LGALS3BP: variants seen among roughly 807,000 people sequenced by gnomAD.
LGALS3BP encodes galectin 3 binding protein.
A neutral mutation model predicts 22.9 loss-of-function variants in LGALS3BP; 25 were observed. That is an observed-to-expected ratio of 1.09 (90% CI 0.80 to 1.53). The LOEUF (loss-of-function observed/expected upper bound fraction) is 1.53, where lower values mean the gene tolerates loss of function less well. LGALS3BP is among the 40% of genes most tolerant of loss of function. The pLI, the probability that LGALS3BP is intolerant of heterozygous loss-of-function variation, is 0.00. For missense variants in LGALS3BP, 718 were observed against 752.0 expected (o/e 0.95, Z 0.53); for synonymous variants, 335 against 331.1 (o/e 1.01, Z -0.13).
rs987721012 is a variant in LGALS3BP, at chr17:78,977,000, G to A, written c.52+140C>T. ...GTCATCATCACTGGGGATACCTGGT[G>A]CTTCAAGCAGGAGAGAAGATCTGGC... On this transcript the variant is annotated intron_variant, in intron 2 of 5. Coordinates refer to ENST00000262776, the MANE Select transcript of LGALS3BP (RefSeq NM_005567.4). The surrounding 1 kb of genome is among the most constrained non-coding windows in gnomAD (Gnocchi z 4.6). 2 of 830,546 alleles carry A rather than the reference G, an allele frequency of 2.4e-6. No individual in the cohort carries two copies. The highest frequency in any genetic ancestry group is 2.1e-5 in the Admixed American group (1 of 48,690). The allele number at this position is 830,546 out of a possible 1,614,324, so 51.4% of individuals were successfully genotyped here. A position where few individuals can be genotyped will look rare whatever the true frequency, so the allele number is the denominator to read the frequency against.
chr17:78,974,982 G>A (rs2070707798), intron 3 of LGALS3BP, 163 bp from the exon 4 acceptor site: 2 of 887,546 alleles, frequency 2.3e-6, no homozygotes, highest in Non-Finnish European at 3.3e-6. Flanking sequence ...GGCTGGATTT[G>A]TGATTGCAAT....
At chr17:78,978,030 A>G (rs1190464919) in intron 1 of LGALS3BP, among the ~76,000 whole-genome samples, 1 of 152,066 alleles carries the variant, frequency 6.6e-6, no homozygotes, top group African/African-American at 2.4e-5. Flanking sequence ...CACCCTGCCA[A>G]TGGAGAGACA....
rs916807930 is a variant in LGALS3BP at position 78,972,448 on chromosome 17, A to C, written c.886T>G (p.Trp296Gly). The change falls in exon 6 of 6, where the codon TGG becomes GGG. Residue 296 changes from tryptophan to glycine, a missense_variant. Coordinates refer to ENST00000262776, the MANE Select transcript of LGALS3BP (RefSeq NM_005567.4). This position sits in a 1 kb window ranked among gnomAD's most constrained non-coding sequence, Gnocchi z 5.1. ...AGCAGGTCTGTGGGGACACTGGGCC[A>C]GGCCTCGGCCTGCGTCAAGGCCTCG... is the stretch of plus-strand genomic sequence containing the variant. ...NFEALTQAEA[W>G]PSVPTDLLQL... 3 of 1,613,406 alleles carry C rather than the reference A, an allele frequency of 1.9e-6. No individual in the cohort carries two copies. Among genetic ancestry groups the C allele is most frequent in the Non-Finnish European group, 2.5e-6 (3 of 1,179,984 alleles).
At position 78,971,797 on chromosome 17, in the gene LGALS3BP, C is replaced by G. The variant is rs1407306319; in HGVS notation, c.1537G>C (p.Asp513His). The stretch of plus-strand genomic sequence containing the variant: ...TTGTTTTCGTAGGCAATGGTGCGAT[C>G]TGAGCCGCCAGACTTGGTGAGGCCC... ...VLGLTKSGGS[D>H]RTIAYENKAL... The change falls in exon 6 of 6, where the codon GAT becomes CAT. Residue 513 changes from aspartate to histidine, a missense_variant. Coordinates refer to ENST00000262776, the MANE Select transcript of LGALS3BP (RefSeq NM_005567.4). This position sits in a 1 kb window ranked among gnomAD's most constrained non-coding sequence, Gnocchi z 5.6. 21 of 1,614,016 alleles carry G rather than the reference C, an allele frequency of 1.3e-5. No individual in the cohort carries two copies. Among genetic ancestry groups the G allele is most frequent in the Non-Finnish European group, 1.8e-5 (21 of 1,180,056 alleles).
intron 1 of LGALS3BP, 99 bp from the exon 2 acceptor site, chr17:78,977,313 G>T: frequency 1.1e-6 from 1 of 941,318 alleles, no homozygotes; most frequent in Non-Finnish European, 1.6e-6. Context: ...AACCTGGGCT[G>T]TGTGGCAGGC....
chr17:78,976,488 C>G lies in LGALS3BP; in HGVS notation c.53-332G>C, dbSNP rs1287321843. Among the ~76,000 whole-genome samples the G allele has an allele frequency of 6.6e-6, 1 of 152,148 alleles. No homozygotes were observed. The highest frequency in any genetic ancestry group is 2.4e-5 in the African/African-American group (1 of 41,428). On this transcript the variant is annotated intron_variant, in intron 2 of 5. Transcript: ENST00000262776. This position sits in a 1 kb window ranked among gnomAD's most constrained non-coding sequence, Gnocchi z 4.6. ...CCCTGAGGGAAGGATAGGAGGGGAA[C>G]GGAGGCCCCGTGCTGACCCGCCCTG...
intron 1 of LGALS3BP, among the ~76,000 whole-genome samples, chr17:78,979,072 AAG>A (rs765704197): frequency 0.12 from 3,891 of 31,848 alleles, 90 homozygotes; most frequent in African/African-American, 0.23. Context: ...TCAAAAAAAA[AAG>A]GGGGGGGGGC....
At position 78,974,803 on chromosome 17, in the gene LGALS3BP, C is replaced by T; in HGVS notation, c.261G>A (p.Met87Ile). 6.2e-7 allele frequency: 1 copy of T among 1,613,756 alleles called. No homozygotes were observed. The change falls in exon 4 of 6, where the codon ATG becomes ATA. Residue 87 changes from methionine to isoleucine, a missense_variant. Transcript: ENST00000262776. ...TTCCCGTGCACTGGACCTCATCCAGCATGATGGGGCCTGATCCTGTGGACA... is the reference window on the plus strand; with the variant it reads ...TTCCCGTGCACTGGACCTCATCCAGTATGATGGGGCCTGATCCTGTGGACA... ...AAFGQGSGPI[M>I]LDEVQCTGTE...
chr17:78,974,845 TG>T (rs1198446156), intron 3 of LGALS3BP, 26 bp from the exon 4 acceptor site: 3 of 1,609,026 alleles, frequency 1.9e-6, no homozygotes, highest in Non-Finnish European at 2.5e-6. Flanking sequence ...ATGGCAGGGC[TG>T]GGGGCGTGAC....
rs1844786848 is a variant in LGALS3BP at position 78,972,087 on chromosome 17, G to T, written c.1247C>A (p.Ala416Asp). Residue 416 changes from alanine (A) to aspartate (D), a missense_variant, in exon 6 of 6, where the codon GCC becomes GAC. Ala to Asp is a moderately radical substitution (Grantham distance 126). Transcript: ENST00000262776. This position sits in a 1 kb window ranked among gnomAD's most constrained non-coding sequence, Gnocchi z 5.1. ...ACTCCAGGAACTGTCTGTCACAAAG[G>T]CACTCCAGGTGGGCGAGGTGTAAAT... ...PRIYTSPTWS[A>D]FVTDSSWSAR... The T allele has an allele frequency of 6.2e-7, 1 of 1,613,604 alleles. No homozygotes were observed. Among genetic ancestry groups the T allele is most frequent in the Non-Finnish European group, 8.5e-7 (1 of 1,179,634 alleles).
In LGALS3BP at chr17:78,974,528, C is replaced by T. The variant is rs2070701691; in HGVS notation, c.376+160G>A. On this transcript the variant is annotated intron_variant, in intron 4 of 5. Coordinates refer to ENST00000262776, the MANE Select transcript of LGALS3BP (RefSeq NM_005567.4). ...GACTGTGGGACTGGGAGCTGGTGGG[C>T]TCTTGGGACGTCTGGGCCTCTCCAT... is the stretch of plus-strand genomic sequence containing the variant. The T allele has an allele frequency of 5.2e-6, 4 of 762,736 alleles. No homozygotes were observed. The South Asian group carries it at 7.5e-5, about 14-fold the overall frequency. The allele number at this position is 762,736 out of a possible 1,614,324, so 47.2% of individuals were successfully genotyped here.
In LGALS3BP at chr17:78,973,141, C is replaced by A; in HGVS notation, c.458G>T (p.Cys153Phe). The change falls in exon 5 of 6, where the codon TGC becomes TTC. Residue 153 changes from cysteine to phenylalanine, a missense_variant. Transcript: ENST00000262776. This position sits in a 1 kb window ranked among gnomAD's most constrained non-coding sequence, Gnocchi z 5.8. ...LGQIFDSQRG[C>F]DLSISVNVQG... ...CACATTCACGCTGATGGACAGGTCGCAGCCCCGCTGGCTGTCAAAGATCTG... is the reference window on the plus strand; with the variant it reads ...CACATTCACGCTGATGGACAGGTCGAAGCCCCGCTGGCTGTCAAAGATCTG... 6.2e-7 allele frequency: 1 copy of A among 1,612,200 alleles called. No individual in the cohort carries two copies. Among genetic ancestry groups the A allele is most frequent in the Non-Finnish European group, 8.5e-7 (1 of 1,179,550 alleles).
chr17:78,974,165 C>T (rs192538408), intron 4 of LGALS3BP, among the ~76,000 whole-genome samples: 4 of 152,346 alleles, frequency 2.6e-5, no homozygotes, highest in East Asian at 3.9e-4. Flanking sequence ...CAGGTTGTCA[C>T]GTGCAAGCCC....
In LGALS3BP at chr17:78,971,877, A is replaced by G. The variant is rs756435298; in HGVS notation, c.1457T>C (p.Ile486Thr). Reference protein sequence around the residue: ...VSWSLVYLPTIQSCWNYGFSC... With the variant: ...VSWSLVYLPTTQSCWNYGFSC... Reference sequence around the variant, plus strand: ...GAAGCCGTAGTTCCAGCAGCTCTGGATGGTGGGGAGGTAGACCAGGGACCA... The same window carrying G: ...GAAGCCGTAGTTCCAGCAGCTCTGGGTGGTGGGGAGGTAGACCAGGGACCA... The change falls in exon 6 of 6, where the codon ATC becomes ACC. Residue 486 changes from isoleucine to threonine, a missense_variant. Ile to Thr is a moderately conservative substitution (Grantham distance 89). Coordinates refer to ENST00000262776, the MANE Select transcript of LGALS3BP (RefSeq NM_005567.4). The surrounding 1 kb of genome is among the most constrained non-coding windows in gnomAD (Gnocchi z 5.6). The G allele has an allele frequency of 6.2e-7, 1 of 1,614,102 alleles. No homozygotes were observed. The highest frequency in any genetic ancestry group is 8.5e-7 in the Non-Finnish European group (1 of 1,180,030).
In LGALS3BP at chr17:78,976,227, A is replaced by G. The variant is rs2070720015; in HGVS notation, c.53-71T>C. The G allele has an allele frequency of 3.7e-6, 5 of 1,351,876 alleles. 1 individual carries two copies. The South Asian group carries it at 5.7e-5, about 15-fold the overall frequency. 83.7% of individuals were successfully genotyped at this position (1,351,876 alleles called of 1,614,324 possible). A position where few individuals can be genotyped will look rare whatever the true frequency, so the allele number is the denominator to read the frequency against. ...CACCGCCCACACCTCCAGGCCCCAT[A>G]TGCTGTCCTGGGTCTCCCCTGCTGA... On this transcript the variant is annotated intron_variant, in intron 2 of 5. Coordinates refer to ENST00000262776, the MANE Select transcript of LGALS3BP (RefSeq NM_005567.4). This position sits in a 1 kb window ranked among gnomAD's most constrained non-coding sequence, Gnocchi z 4.6.
chr17:78,975,059 T>C, intron 3 of LGALS3BP: 1 of 535,906 alleles, frequency 1.9e-6, no homozygotes, highest in East Asian at 3.1e-5. Context: ...ATCACATTCA[T>C]GTATAGTAAT....
At chr17:78,978,018 C>G (rs374053956) in intron 1 of LGALS3BP, among the ~76,000 whole-genome samples, 9 of 152,304 alleles carry the variant, frequency 5.9e-5, no homozygotes, top group Admixed American at 2.0e-4. Flanking sequence ...CTCCCTCCCC[C>G]ACACCCTGCC....
rs75115405 is a variant in LGALS3BP at position 78,973,212 on chromosome 17, G to A, written c.387C>T (p.Ser129=). The change falls in exon 5 of 6, where the codon AGC becomes AGT. Residue 129 remains serine, a synonymous_variant. Transcript: ENST00000262776. The surrounding 1 kb of genome is among the most constrained non-coding windows in gnomAD (Gnocchi z 5.8). ...AGVVCTNETR[S]THTLDLSREL... is the part of the protein sequence containing the mutation. ...CCCTGGAGAGGTCCAGGGTGTGGGT[G>A]CTCCTGGTTTCTAAGAAGGGGCGGG... 6.5e-7 allele frequency: 1 copy of A among 1,544,590 alleles called. No individual in the cohort carries two copies. Among genetic ancestry groups the A allele is most frequent in the Non-Finnish European group, 8.7e-7 (1 of 1,143,732 alleles).
chr17:78,971,267 T>G lies in LGALS3BP; in HGVS notation c.*309A>C. The G allele has an allele frequency of 8.5e-6, 3 of 353,640 alleles. No homozygotes were observed. The highest frequency in any genetic ancestry group is 5.3e-5 in the East Asian group (1 of 18,996). 21.9% of individuals were successfully genotyped at this position (353,640 alleles called of 1,614,324 possible). On this transcript the variant is annotated 3_prime_UTR_variant, in exon 6 of 6. Coordinates refer to ENST00000262776, the MANE Select transcript of LGALS3BP (RefSeq NM_005567.4). The surrounding 1 kb of genome is among the most constrained non-coding windows in gnomAD (Gnocchi z 5.6). ...GTACAAACAAATGTAGGAACCTCAATGTAATTTTAATGACCTCAGACCAGT... is the reference window on the plus strand; with the variant it reads ...GTACAAACAAATGTAGGAACCTCAAGGTAATTTTAATGACCTCAGACCAGT...
Sources: gnomAD v4.1 joint callset for allele counts (sites outside exome capture counted in the v4.1 genomes callset) on GRCh38, gnomAD v4.1.1 for gene constraint, Gnocchi (gnomAD v3.1) non-coding constraint, MANE v1.5 for transcripts, NCBI Gene and HGNC (gene_info 2026-07-23, HGNC 2026-07-21) for gene names.